NAALADL2: variants seen among roughly 807,000 people sequenced by gnomAD.
NAALADL2 encodes the protein N-acetylated alpha-linked acidic dipeptidase like 2.
NAALADL2 carries 76 observed loss-of-function variants against 87.2 expected under a neutral mutation model. That is an observed-to-expected ratio of 0.87 (90% CI 0.72 to 1.05). The LOEUF (loss-of-function observed/expected upper bound fraction) is 1.05. NAALADL2 is among the 50% of genes least tolerant of loss of function. The pLI is 0.00. For missense variants in NAALADL2, 1,089 were observed against 945.8 expected (o/e 1.15, Z -1.99); for synonymous variants, 354 against 331.0 (o/e 1.07, Z -0.75).
At chr3:175,765,885 G>A (rs896878504) in intron 13 of NAALADL2, among the ~76,000 whole-genome samples, 9 of 151,948 alleles carry the variant, frequency 5.9e-5, no homozygotes, top group Admixed American at 2.0e-4. Context: ...TAAGAAAACC[G>A]AGGCTTAGGA....
chr3:175,766,334 G>A (rs1258190150), intron 13 of NAALADL2, among the ~76,000 whole-genome samples: 2 of 152,102 alleles, frequency 1.3e-5, no homozygotes, highest in East Asian at 1.9e-4. Flanking sequence ...ATAGTATAGA[G>A]GGGGGCTCAG....
intron 2 of NAALADL2, among the ~76,000 whole-genome samples, chr3:175,164,279 A>G (rs940645971): frequency 5.3e-5 from 8 of 150,218 alleles, no homozygotes; most frequent in East Asian, 1.9e-4. Context: ...ATATATGTGT[A>G]TATATATATA....
intron 1 of NAALADL2, among the ~76,000 whole-genome samples, chr3:174,872,314 T>A: frequency 6.6e-6 from 1 of 152,176 alleles, no homozygotes; most frequent in East Asian, 1.9e-4. Flanking sequence ...TGGCCCTTCA[T>A]TTCTCCATTT....
intron 1 of NAALADL2, among the ~76,000 whole-genome samples, chr3:175,045,753 A>G (rs892288872): frequency 6.6e-6 from 1 of 152,188 alleles, no homozygotes; most frequent in Non-Finnish European, 1.5e-5. Context: ...TTAGAGAACT[A>G]AAATATTTTA....
intron 1 of NAALADL2, among the ~76,000 whole-genome samples, chr3:175,010,656 A>G (rs1239745259): frequency 6.6e-6 from 1 of 152,184 alleles, no homozygotes; most frequent in Non-Finnish European, 1.5e-5. Context: ...CAACTGAAAG[A>G]GAAATGTGAA....
chr3:175,082,261 G>T (rs1449293208), intron 1 of NAALADL2, among the ~76,000 whole-genome samples: 5 of 152,072 alleles, frequency 3.3e-5, no homozygotes, highest in Non-Finnish European at 7.4e-5. Flanking sequence ...TGTATAACAG[G>T]GGCTTTAAAA....
chr3:175,604,055 A>G (rs1447621501), intron 10 of NAALADL2, among the ~76,000 whole-genome samples: 1 of 152,134 alleles, frequency 6.6e-6, no homozygotes, highest in Admixed American at 6.5e-5. Context: ...TTTGGGGTAT[A>G]TATCCAGAAG....
At chr3:175,227,427 C>T (rs912971654) in intron 2 of NAALADL2, among the ~76,000 whole-genome samples, 8 of 151,920 alleles carry the variant, frequency 5.3e-5, no homozygotes, top group Non-Finnish European at 1.0e-4. Context: ...ACTACTGGCC[C>T]GTGGAAACCC....
intron 1 of NAALADL2, among the ~76,000 whole-genome samples, chr3:174,474,695 A>T (rs929621640): frequency 6.6e-6 from 1 of 152,104 alleles, no homozygotes; most frequent in Middle Eastern, 3.2e-3. Context: ...CTTTCTTCTC[A>T]TGGGGCTTTC....
At chr3:175,108,862 G>T (rs898058402) in intron 2 of NAALADL2, among the ~76,000 whole-genome samples, 1 of 151,810 alleles carries the variant, frequency 6.6e-6, no homozygotes, top group Admixed American at 6.6e-5. Context: ...AAGAAAAATT[G>T]TGTCAGGTTT....
intron 12 of NAALADL2, among the ~76,000 whole-genome samples, chr3:175,746,951 C>T (rs577279511): frequency 1.3e-5 from 2 of 152,124 alleles, no homozygotes; most frequent in Non-Finnish European, 2.9e-5. Flanking sequence ...ATAACCTGGG[C>T]ACATCCTCTA....
At chr3:175,443,533 T>C (rs1435533320) in intron 5 of NAALADL2, among the ~76,000 whole-genome samples, 2 of 152,100 alleles carry the variant, frequency 1.3e-5, no homozygotes, top group Non-Finnish European at 2.9e-5. Context: ...TGGGGGAGAG[T>C]ATTAGTTAGC....
At chr3:175,596,521 T>C (rs1414297061) in intron 10 of NAALADL2, among the ~76,000 whole-genome samples, 1 of 151,994 alleles carries the variant, frequency 6.6e-6, no homozygotes, top group African/African-American at 2.4e-5. Context: ...AAGAATTTAA[T>C]CCTTAAAATT....
intron 11 of NAALADL2, among the ~76,000 whole-genome samples, chr3:175,650,116 G>T (rs1730560633): frequency 6.9e-6 from 1 of 144,030 alleles, no homozygotes; most frequent in African/African-American, 2.6e-5. Flanking sequence ...TAAATAAAAT[G>T]TGACATATCC....
intron 1 of NAALADL2, among the ~76,000 whole-genome samples, chr3:174,884,139 ACAG>A (rs1729771124): frequency 6.6e-6 from 1 of 152,164 alleles, no homozygotes; most frequent in African/African-American, 2.4e-5. Context: ...GACCTCTAGG[ACAG>A]CAGAATGTAA....
intron 2 of NAALADL2, among the ~76,000 whole-genome samples, chr3:174,574,815 T>A (rs1448973103): frequency 6.6e-6 from 1 of 152,062 alleles, no homozygotes; most frequent in Admixed American, 6.6e-5. Context: ...TCAGTGTAAT[T>A]TTTTTTGAGA....
At chr3:175,596,637 G>A (rs1273049575) in intron 10 of NAALADL2, among the ~76,000 whole-genome samples, 1 of 151,692 alleles carries the variant, frequency 6.6e-6, no homozygotes, top group East Asian at 1.9e-4. Context: ...TAACATGGCA[G>A]GTATGTTGAG....
chr3:175,287,322 C>CAAATATATAATATAATTTATATATAATAT (rs1755106462), intron 4 of NAALADL2, among the ~76,000 whole-genome samples: 1 of 152,010 alleles, frequency 6.6e-6, no homozygotes, highest in Non-Finnish European at 1.5e-5. Context: ...CAGCAATGTG[C>CAAATATATAATATAATTTATATATAATAT]AAAAATAATA....
chr3:175,263,040 G>A (rs1751351151), intron 4 of NAALADL2, among the ~76,000 whole-genome samples: 1 of 149,554 alleles, frequency 6.7e-6, no homozygotes, highest in Admixed American at 6.7e-5. Context: ...CATCTTTTAT[G>A]ATTCTAAGAC....
Sources: allele counts gnomAD v4.1 joint callset (sites outside exome capture counted in the v4.1 genomes callset), GRCh38; gene constraint gnomAD v4.1.1; transcripts MANE v1.5; gene names NCBI Gene and HGNC (gene_info 2026-07-23, HGNC 2026-07-21).